PCDHGA1: variants seen among roughly 807,000 people sequenced by gnomAD.
PCDHGA1 encodes protocadherin gamma-A1.
A neutral mutation model predicts 58.0 loss-of-function variants in PCDHGA1; 32 were observed. That is an observed-to-expected ratio of 0.55 (90% CI 0.42 to 0.74). PCDHGA1 has a LOEUF of 0.74. Ranked by LOEUF, PCDHGA1 falls within the 30% of genes least tolerant of loss-of-function variation. The pLI is 0.00. For missense variants in PCDHGA1, 1,205 were observed against 1,182.3 expected (o/e 1.02, Z -0.28); for synonymous variants, 498 against 501.1 (o/e 0.99, Z 0.08).
intron 1 of PCDHGA1, chr5:141,376,167 T>C (rs1772357284): frequency 3.1e-6 from 5 of 1,614,124 alleles, no homozygotes; most frequent in East Asian, 2.2e-5. Context: ...TACCTGGTGG[T>C]GGCGGTGGCC....
intron 1 of PCDHGA1, among the ~76,000 whole-genome samples, chr5:141,370,068 G>A (rs988277757): frequency 9.9e-5 from 15 of 152,192 alleles, no homozygotes; most frequent in Non-Finnish European, 1.9e-4. Flanking sequence ...TTTTAAAATG[G>A]GAAGAAAGTA....
intron 1 of PCDHGA1, chr5:141,371,296 T>A: frequency 6.2e-7 from 1 of 1,614,000 alleles, no homozygotes; most frequent in Non-Finnish European, 8.5e-7. Flanking sequence ...ACGGGGGAAC[T>A]CACCACTATT....
intron 1 of PCDHGA1, chr5:141,423,051 CCTG>C (rs771403541): frequency 2.5e-6 from 4 of 1,614,208 alleles, no homozygotes; most frequent in Admixed American, 1.7e-5. Flanking sequence ...TGTCCTATCG[CCTG>C]CTTAAGGCCA....
Position 141,432,521 on chromosome 5 carries a change from G to C in PCDHGA1, c.2422-62286G>C. ...CCGCTCCGCAGAGCCCGGCTACCTG[G>C]TGACCAAGGTGGTGGCGGTGGACAG... On this transcript the variant is annotated intron_variant, in intron 1 of 3. Transcript: ENST00000517417. The surrounding 1 kb of genome is among the most constrained non-coding windows in gnomAD (Gnocchi z 6.0). 1.2e-6 allele frequency: 2 copies of C among 1,614,112 alleles called. No individual in the cohort carries two copies. The highest frequency in any genetic ancestry group is 1.7e-6 in the Non-Finnish European group (2 of 1,180,028).
rs561908431 is a variant in PCDHGA1, at chr5:141,510,639, TATC to T, written c.2570-304_2570-302del. Among the ~76,000 whole-genome samples the T allele has an allele frequency of 8.5e-3, 1,289 of 152,298 alleles. 6 individuals carry two copies. Among genetic ancestry groups the T allele is most frequent in the Middle Eastern group, 0.058 (17 of 294 alleles). On this transcript the variant is annotated intron_variant, in intron 3 of 3. Transcript: ENST00000517417. ...TAAAACCAGAAGAGGTGGTTACCAT[TATC>T]ATCCCCATTTTGCAGATGAGAAAAC...
intron 1 of PCDHGA1, chr5:141,418,184 G>A: frequency 6.2e-7 from 1 of 1,614,096 alleles, no homozygotes; most frequent in Non-Finnish European, 8.5e-7. Flanking sequence ...ATTGGAAGCT[G>A]TGGTGGAAAA....
At chr5:141,414,633 A>C (rs1368963927) in intron 1 of PCDHGA1, 1 of 1,613,988 alleles carries the variant, frequency 6.2e-7, no homozygotes, top group South Asian at 1.1e-5. Context: ...CGGACAGCAA[A>C]GAGAATGCCC....
chr5:141,481,183 G>A (rs2099533234), intron 1 of PCDHGA1, among the ~76,000 whole-genome samples: 1 of 152,146 alleles, frequency 6.6e-6, no homozygotes, highest in African/African-American at 2.4e-5. Flanking sequence ...GCTTTATTGG[G>A]CCAGGCCCAA....
chr5:141,502,242 CT>C (rs989546500), intron 2 of PCDHGA1, among the ~76,000 whole-genome samples: 27 of 151,950 alleles, frequency 1.8e-4, no homozygotes, highest in African/African-American at 6.3e-4. Context: ...TTCTTTTATC[CT>C]TTTTTTTAAT....
intron 1 of PCDHGA1, chr5:141,400,199 C>G (rs1561675523): frequency 2.5e-6 from 4 of 1,614,048 alleles, no homozygotes; most frequent in Admixed American, 1.7e-5. Flanking sequence ...CTAGTGGTGG[C>G]CTTGGCCTTG....
intron 1 of PCDHGA1, among the ~76,000 whole-genome samples, chr5:141,474,085 AAAAC>A (rs937548165): frequency 1.3e-5 from 2 of 152,188 alleles, no homozygotes; most frequent in African/African-American, 4.8e-5. Flanking sequence ...CAAAAACCAA[AAAAC>A]AAACAACAAC....
chr5:141,417,892 C>G lies in PCDHGA1; in HGVS notation c.2422-76915C>G, dbSNP rs550343206. On this transcript the variant is annotated intron_variant, in intron 1 of 3. Coordinates refer to ENST00000517417, the MANE Select transcript of PCDHGA1 (RefSeq NM_018912.3). Reference sequence around the variant, plus strand: ...GGAGCTGCGCGCAGAGGCGCCGGGCCGGCCCGCGGCAGGTACTATTTCCTT... The same window carrying G: ...GGAGCTGCGCGCAGAGGCGCCGGGCGGGCCCGCGGCAGGTACTATTTCCTT... 2.2e-4 allele frequency: 348 copies of G among 1,570,774 alleles called. 2 individuals carry two copies. The South Asian group carries it at 3.7e-3, about 17-fold the overall frequency.
chr5:141,376,908 C>T, intron 1 of PCDHGA1: 1 of 187,054 alleles, frequency 5.3e-6, no homozygotes, highest in Non-Finnish European at 1.1e-5. Flanking sequence ...AGGATGGTCT[C>T]GATCTCCTGA....
intron 1 of PCDHGA1, chr5:141,389,265 G>T: frequency 6.2e-7 from 1 of 1,614,004 alleles, no homozygotes; most frequent in Non-Finnish European, 8.5e-7. Context: ...CCACGTGGCC[G>T]AGAACAACCC....
rs760575047 is a variant in PCDHGA1 at position 141,493,887 on chromosome 5, G to A, written c.2422-920G>A. Among the ~76,000 whole-genome samples the A allele has an allele frequency of 1.3e-5, 2 of 152,184 alleles. No individual in the cohort carries two copies. The highest frequency in any genetic ancestry group is 2.4e-5 in the African/African-American group (1 of 41,448). On this transcript the variant is annotated intron_variant, in intron 1 of 3. Coordinates refer to ENST00000517417, the MANE Select transcript of PCDHGA1 (RefSeq NM_018912.3). The surrounding 1 kb of genome is among the most constrained non-coding windows in gnomAD (Gnocchi z 4.3). Reference sequence around the variant, plus strand: ...AGAACCAGTGAGGAGGTGGCTCTAGGAGTGCTCCATGAGAGTGTGTGATGG... The same window carrying A: ...AGAACCAGTGAGGAGGTGGCTCTAGAAGTGCTCCATGAGAGTGTGTGATGG...
chr5:141,381,835 T>TCTTTCTTCTTC (rs1561589443), intron 1 of PCDHGA1, among the ~76,000 whole-genome samples: 174 of 141,116 alleles, frequency 1.2e-3, no homozygotes, highest in African/African-American at 4.6e-3. Flanking sequence ...TCTTTTTTTT[T>TCTTTCTTCTTC]TTTTTTTTTT....
chr5:141,421,885 G>A (rs2096608692), intron 1 of PCDHGA1: 1 of 1,613,574 alleles, frequency 6.2e-7, no homozygotes, highest in African/African-American at 1.3e-5. Context: ...AGATGGAGGC[G>A]ATCCCATCCG....
At chr5:141,388,424 G>A (rs77505166) in intron 1 of PCDHGA1, 76,970 of 1,613,794 alleles carry the variant, frequency 0.048, 2,026 homozygotes, top group South Asian at 0.077. Context: ...ATTTCTCACT[G>A]ATAAATAAAG....
intron 1 of PCDHGA1, chr5:141,377,893 TC>T (rs1774447878): frequency 6.6e-6 from 1 of 152,178 alleles, no homozygotes; most frequent in Admixed American, 6.5e-5. Flanking sequence ...AGGATCCCCC[TC>T]TGTTGCCCAG....
Sources: gnomAD v4.1 joint callset for allele counts (sites outside exome capture counted in the v4.1 genomes callset) on GRCh38, gnomAD v4.1.1 for gene constraint, Gnocchi (gnomAD v3.1) non-coding constraint, MANE v1.5 for transcripts, NCBI Gene and HGNC (gene_info 2026-07-23, HGNC 2026-07-21) for gene names.